The following KAT6B variants were observed in gnomAD, a reference collection of about 807,000 sequenced individuals.
The protein encoded by KAT6B is lysine acetyltransferase 6B, also known as histone acetyltransferase KAT6B.
A neutral mutation model predicts 187.5 loss-of-function variants in KAT6B; 10 were observed. The ratio of observed to expected loss-of-function variants is 0.05; its 90% CI spans 0.03 to 0.09. The LOEUF (loss-of-function observed/expected upper bound fraction) is 0.09, where lower values mean the gene tolerates loss of function less well. Ranked by LOEUF, KAT6B falls within the 10% of genes least tolerant of loss-of-function variation. The probability of loss-of-function intolerance (pLI) is 1.00; values close to 1 mark genes in which losing one functional copy is unlikely to be tolerated. For synonymous variants in KAT6B, 861 were observed against 926.8 expected, an observed-to-expected ratio of 0.93 and a Z score of 1.29; for missense variants, 1,952 against 2,558.9, an observed-to-expected ratio of 0.76 and a Z score of 5.12.
At chr10:74,826,272 G>A (rs1300807841), upstream of KAT6B, among the ~76,000 whole-genome samples, 2 of 152,206 alleles carry the variant, frequency 1.3e-5, no homozygotes, top group African/African-American at 4.8e-5. Context: ...GGAAGTAGAG[G>A]TGGCGCGGTA....
upstream of KAT6B, among the ~76,000 whole-genome samples, chr10:74,825,367 C>T (rs1292688469): frequency 6.6e-6 from 1 of 151,232 alleles, no homozygotes; most frequent in Non-Finnish European, 1.5e-5. This position sits in a 1 kb window ranked among gnomAD's most constrained non-coding sequence, Gnocchi z 5.0. Flanking sequence ...GCAGGTACCC[C>T]CGGGGCGGAG....
At chr10:74,869,199 G>A (rs967220472) in intron 3 of KAT6B, among the ~76,000 whole-genome samples, 2 of 151,814 alleles carry the variant, frequency 1.3e-5, no homozygotes, top group East Asian at 1.9e-4. Context: ...TTGTTTATGC[G>A]CGTGTCCTTT....
upstream of KAT6B, among the ~76,000 whole-genome samples, chr10:74,826,151 A>T (rs1196599143): frequency 1.8e-5 from 2 of 114,068 alleles, no homozygotes; most frequent in African/African-American, 3.4e-5. Flanking sequence ...TGAGTGGGGG[A>T]GGGGAGAGGG....
At chr10:74,862,260 C>G (rs959551698) in intron 3 of KAT6B, among the ~76,000 whole-genome samples, 7 of 152,038 alleles carry the variant, frequency 4.6e-5, no homozygotes, top group African/African-American at 7.2e-5. Flanking sequence ...TCACCAAGTC[C>G]AGGGTTTTAA....
At chr10:74,951,594 A>G (rs1840323334) in intron 3 of KAT6B, among the ~76,000 whole-genome samples, 1 of 152,194 alleles carries the variant, frequency 6.6e-6, no homozygotes, top group Non-Finnish European at 1.5e-5. Context: ...GACTATTACT[A>G]AGCAAGCCCT....
chr10:74,868,843 C>T (rs185257631), intron 3 of KAT6B, among the ~76,000 whole-genome samples: 1 of 152,290 alleles, frequency 6.6e-6, no homozygotes, highest in East Asian at 1.9e-4. Context: ...ATACAGCAGC[C>T]TCCCAGGGAT....
chr10:74,916,514 A>G (rs1355437074), intron 3 of KAT6B, among the ~76,000 whole-genome samples: 2 of 152,224 alleles, frequency 1.3e-5, no homozygotes, highest in East Asian at 1.9e-4. Flanking sequence ...TATGATTTAC[A>G]TATTCTTCTG....
At position 74,843,041 on chromosome 10, in the gene KAT6B, A is replaced by G. The variant is rs1841853622; in HGVS notation, c.184A>G (p.Lys62Glu). ...CAGTGTTCAGGATGGCTCAGTTCTCAAAGTCACCAACAAAGGCCTTGCCTC... is the reference window on the plus strand; with the variant it reads ...CAGTGTTCAGGATGGCTCAGTTCTCGAAGTCACCAACAAAGGCCTTGCCTC... ...ELSVQDGSVL[K>E]VTNKGLASYK... Residue 62 changes from lysine (K) to glutamate (E), a missense_variant, in exon 3 of 18, where the codon AAA becomes GAA. By Grantham distance (56) the Lys-to-Glu change is moderately conservative (BLOSUM62 1). This residue lies in a region of KAT6B where 218 missense variants were observed against 282.6 expected (regional missense o/e 0.77). Coordinates refer to ENST00000287239, the MANE Select transcript of KAT6B (RefSeq NM_012330.4). The G allele has an allele frequency of 6.2e-7, 1 of 1,614,210 alleles. No individual in the cohort carries two copies. Among genetic ancestry groups the G allele is most frequent in the South Asian group, 1.1e-5 (1 of 91,084 alleles).
intron 3 of KAT6B, among the ~76,000 whole-genome samples, chr10:74,944,545 T>C (rs1333346034): frequency 6.6e-6 from 1 of 152,034 alleles, no homozygotes; most frequent in African/African-American, 2.4e-5. Flanking sequence ...GCGCGGTGGC[T>C]CACGCCTGTA....
At position 74,842,673 on chromosome 10, in the gene KAT6B, A is replaced by G. The variant is rs962286196; in HGVS notation, c.-185A>G. On this transcript the variant is annotated 5_prime_UTR_variant, in exon 3 of 18. Transcript: ENST00000287239. Reference sequence around the variant, plus strand: ...CTGTTGGTAAAATAAGACAACCATCAACATTGCCTGTTTGTCTGCTTTTGA... The same window carrying G: ...CTGTTGGTAAAATAAGACAACCATCGACATTGCCTGTTTGTCTGCTTTTGA... 1.0e-5 allele frequency: 7 copies of G among 666,874 alleles called. No individual in the cohort carries two copies. In the African/African-American group the frequency reaches 1.3e-4, roughly 12 times the overall value. 41.3% of individuals were successfully genotyped at this position (666,874 alleles called of 1,614,324 possible).
In KAT6B at chr10:74,970,116, T is replaced by A. The variant is rs902987870; in HGVS notation, c.928+15T>A. The A allele has an allele frequency of 1.3e-6, 2 of 1,579,506 alleles. No homozygotes were observed. The highest frequency in any genetic ancestry group is 1.7e-6 in the Non-Finnish European group (2 of 1,148,862). The stretch of plus-strand genomic sequence containing the variant: ...AATGCCAAAAGGTGAACTTCTAAAC[T>A]GTACTAAAAATGTATTTTATTACAT... On this transcript the variant is annotated intron_variant, in intron 6 of 17. Coordinates refer to ENST00000287239, the MANE Select transcript of KAT6B (RefSeq NM_012330.4).
chr10:74,930,496 A>G (rs1305607932), intron 3 of KAT6B, among the ~76,000 whole-genome samples: 1 of 152,182 alleles, frequency 6.6e-6, no homozygotes, highest in African/African-American at 2.4e-5. Flanking sequence ...TTAAATATGT[A>G]TGTATTTGAG....
intron 3 of KAT6B, among the ~76,000 whole-genome samples, chr10:74,950,410 T>TA (rs1346386305): frequency 1.3e-5 from 2 of 152,298 alleles, no homozygotes; most frequent in African/African-American, 4.8e-5. Context: ...CAGTTACTGT[T>TA]ACTGCAGATG....
intron 13 of KAT6B, among the ~76,000 whole-genome samples, chr10:75,003,777 CAG>C (rs1170845838): frequency 2.0e-5 from 3 of 152,102 alleles, no homozygotes; most frequent in South Asian, 4.1e-4. Flanking sequence ...ATTGAGCTCT[CAG>C]TGATTTATTC....
At chr10:74,893,238 T>A (rs1363108164) in intron 3 of KAT6B, among the ~76,000 whole-genome samples, 3 of 152,196 alleles carry the variant, frequency 2.0e-5, no homozygotes, top group Non-Finnish European at 4.4e-5. Flanking sequence ...GCTGCAGGAC[T>A]GGACCACAGA....
chr10:74,890,256 T>G (rs1445603703), intron 3 of KAT6B, among the ~76,000 whole-genome samples: 1 of 152,114 alleles, frequency 6.6e-6, no homozygotes, highest in South Asian at 2.1e-4. Context: ...AGGCTAGTCT[T>G]GAACTCCTGA....
intron 3 of KAT6B, among the ~76,000 whole-genome samples, chr10:74,864,725 T>C (rs1234256615): frequency 6.6e-6 from 1 of 152,136 alleles, no homozygotes; most frequent in African/African-American, 2.4e-5. Context: ...CCAGGTGTTT[T>C]GAATTGAGGT....
At chr10:74,898,156 A>G (rs1453411655) in intron 3 of KAT6B, among the ~76,000 whole-genome samples, 1 of 152,088 alleles carries the variant, frequency 6.6e-6, no homozygotes, top group Non-Finnish European at 1.5e-5. Flanking sequence ...AGGCATTGGT[A>G]CAAAAAGGGA....
At chr10:74,998,119 AT>A (rs10706975) in intron 13 of KAT6B, among the ~76,000 whole-genome samples, 152,187 of 152,188 alleles carry the variant, frequency 1, 76,093 homozygotes, top group Non-Finnish European at 1. Flanking sequence ...TCAAAAAGTA[AT>A]ACATAAAACA....
Sources: gnomAD v4.1 joint callset for allele counts (sites outside exome capture counted in the v4.1 genomes callset) on GRCh38, gnomAD v4.1.1 for gene constraint, gnomAD v4.1.1 regional missense constraint, Gnocchi (gnomAD v3.1) non-coding constraint, MANE v1.5 for transcripts, NCBI Gene and HGNC (gene_info 2026-07-23, HGNC 2026-07-21) for gene names.